Variants in HS3ST3B1 observed in about 807,000 individuals in gnomAD.
HS3ST3B1 encodes the protein heparan sulfate-glucosamine 3-sulfotransferase 3B1.
A neutral mutation model predicts 21.3 loss-of-function variants in HS3ST3B1; 13 were observed. The ratio of observed to expected loss-of-function variants is 0.61; its 90% CI spans 0.40 to 0.97. The LOEUF is 0.97. Among genes scored for constraint, HS3ST3B1 ranks in the 50% least tolerant of loss-of-function variants. The pLI is 0.00. For missense variants in HS3ST3B1, 459 were observed against 554.8 expected (o/e 0.83, Z 1.73); for synonymous variants, 234 against 254.8 (o/e 0.92, Z 0.78).
chr17:14,324,456 GC>G (rs1195547817), intron 1 of HS3ST3B1, among the ~76,000 whole-genome samples: 3 of 151,974 alleles, frequency 2.0e-5, no homozygotes, highest in African/African-American at 4.8e-5. Flanking sequence ...TTGCCATGTG[GC>G]CCAGGCTGGT....
intron 1 of HS3ST3B1, chr17:14,305,439 C>A (rs1909102465): frequency 6.6e-6 from 1 of 152,130 alleles, no homozygotes; most frequent in African/African-American, 2.4e-5. Flanking sequence ...AAGAACCTGC[C>A]CTTTACATTT....
Position 14,301,354 on chromosome 17 carries a change from A to G in HS3ST3B1, c.-165A>G. On this transcript the variant is annotated 5_prime_UTR_variant, in exon 1 of 2. Transcript: ENST00000360954. Reference sequence around the variant, plus strand: ...CGCCGCCGCTACAGCTGCCGCCGCCACCTGGGGAAGAGCAGCAGCAGCAGC... The same window carrying G: ...CGCCGCCGCTACAGCTGCCGCCGCCGCCTGGGGAAGAGCAGCAGCAGCAGC... 3 of 543,488 alleles carry G rather than the reference A, an allele frequency of 5.5e-6. No homozygotes were observed. Among genetic ancestry groups the G allele is most frequent in the Non-Finnish European group, 8.9e-6 (3 of 338,010 alleles). 33.7% of individuals were successfully genotyped at this position (543,488 alleles called of 1,614,324 possible).
intron 1 of HS3ST3B1, among the ~76,000 whole-genome samples, chr17:14,334,041 G>T (rs1035107885): frequency 3.9e-5 from 6 of 152,200 alleles, no homozygotes; most frequent in Admixed American, 1.3e-4. Flanking sequence ...GATTACAGGC[G>T]TGAGCCACCG....
intron 1 of HS3ST3B1, among the ~76,000 whole-genome samples, chr17:14,339,698 G>C (rs912049904): frequency 9.2e-5 from 14 of 152,206 alleles, no homozygotes; most frequent in African/African-American, 3.4e-4. Context: ...ATAATTATGA[G>C]CTCTGACTAT....
At chr17:14,306,805 C>G (rs1385971939) in intron 1 of HS3ST3B1, among the ~76,000 whole-genome samples, 1 of 149,334 alleles carries the variant, frequency 6.7e-6, no homozygotes, top group East Asian at 2.0e-4. Flanking sequence ...GTATGTAACT[C>G]ACTTCCAAGA....
At chr17:14,331,763 T>C (rs1910021112) in intron 1 of HS3ST3B1, among the ~76,000 whole-genome samples, 1 of 152,096 alleles carries the variant, frequency 6.6e-6, no homozygotes, top group Non-Finnish European at 1.5e-5. Context: ...TTCTAAACCC[T>C]CCCAAAGGAG....
chr17:14,320,986 G>T (rs944978944), intron 1 of HS3ST3B1, among the ~76,000 whole-genome samples: 1 of 152,180 alleles, frequency 6.6e-6, no homozygotes, highest in Non-Finnish European at 1.5e-5. Flanking sequence ...TTGCAGGGAC[G>T]GTGGGATGTG....
rs71147856 is a variant in HS3ST3B1 at position 14,313,077 on chromosome 17, T to TTGTGTG, written c.554+11016_554+11021dup. On this transcript the variant is annotated intron_variant, in intron 1 of 1. Transcript: ENST00000360954. ...CCACCACACCACACCCAGCTAATTA[T>TTGTGTG]TGTGTGTGTGTGTGTGGTGTGTGTG... is the stretch of plus-strand genomic sequence containing the variant. Among the ~76,000 whole-genome samples the TTGTGTG allele has an allele frequency of 9.2e-4, 131 of 142,208 alleles. 1 individual carries two copies. Among genetic ancestry groups the TTGTGTG allele is most frequent in the Middle Eastern group, 3.5e-3 (1 of 288 alleles). The allele number at this position is 142,208 out of a possible 152,430, so 93.3% of individuals were successfully genotyped here. A position where few individuals can be genotyped will look rare whatever the true frequency, so the allele number is the denominator to read the frequency against.
chr17:14,311,774 G>A (rs906369208), intron 1 of HS3ST3B1, among the ~76,000 whole-genome samples: 1 of 152,132 alleles, frequency 6.6e-6, no homozygotes, highest in African/African-American at 2.4e-5. Context: ...GTTTTAGTTG[G>A]TGGCTTGTAT....
chr17:14,326,442 C>T (rs1909819581), intron 1 of HS3ST3B1, among the ~76,000 whole-genome samples: 1 of 152,130 alleles, frequency 6.6e-6, no homozygotes, highest in African/African-American at 2.4e-5. Context: ...AGGGTATTCC[C>T]AGCCTGTTTT....
At chr17:14,318,278 GTC>G in intron 1 of HS3ST3B1, among the ~76,000 whole-genome samples, 1 of 152,296 alleles carries the variant, frequency 6.6e-6, no homozygotes, top group Middle Eastern at 3.4e-3. Context: ...CCCTTCACCA[GTC>G]CTGCTGAGAG....
intron 1 of HS3ST3B1, among the ~76,000 whole-genome samples, chr17:14,326,961 A>T (rs142928809): frequency 1.5e-4 from 23 of 150,966 alleles, no homozygotes; most frequent in African/African-American, 5.1e-4. Flanking sequence ...AAGAAGAAGA[A>T]GCTTCAGTTG....
At chr17:14,328,093 C>G (rs545969775) in intron 1 of HS3ST3B1, 1 of 152,286 alleles carries the variant, frequency 6.6e-6, no homozygotes, top group African/African-American at 2.4e-5. Context: ...AACGGGAATG[C>G]TTTGTCTAAA....
intron 1 of HS3ST3B1, among the ~76,000 whole-genome samples, chr17:14,311,858 A>G (rs1262046951): frequency 6.6e-6 from 1 of 152,086 alleles, no homozygotes; most frequent in Non-Finnish European, 1.5e-5. Context: ...TCCTTGAAGC[A>G]CCACTTAAAA....
intron 1 of HS3ST3B1, among the ~76,000 whole-genome samples, chr17:14,332,246 T>C (rs1470705961): frequency 1.3e-5 from 2 of 152,286 alleles, no homozygotes; most frequent in East Asian, 3.9e-4. Flanking sequence ...ACATTGGCTT[T>C]CGGAGAAGAC....
At chr17:14,302,909 G>C (rs75280274) in intron 1 of HS3ST3B1, among the ~76,000 whole-genome samples, 2,332 of 152,282 alleles carry the variant, frequency 0.015, 60 homozygotes, top group African/African-American at 0.053. Flanking sequence ...AAGAATATTC[G>C]GGGCCCATTG....
intron 1 of HS3ST3B1, chr17:14,304,270 C>G (rs1254651335): frequency 6.6e-6 from 1 of 152,236 alleles, no homozygotes; most frequent in Non-Finnish European, 1.5e-5. Flanking sequence ...CCAGGGGGCA[C>G]AGGGCCCGGG....
Position 14,301,909 on chromosome 17 carries a change from G to A in HS3ST3B1, c.391G>A (p.Gly131Arg), listed in dbSNP as rs1188180259. ...SPSPISSFFS[G>R]SGSKQLPQAI... ...AAGCCCCATCTCCAGCTTTTTCAGTGGGTCTGGGAGCAAGCAGCTGCCGCA... is the reference window on the plus strand; with the variant it reads ...AAGCCCCATCTCCAGCTTTTTCAGTAGGTCTGGGAGCAAGCAGCTGCCGCA... The change falls in exon 1 of 2, where the codon GGG becomes AGG. Residue 131 changes from glycine to arginine, a missense_variant. This residue lies in a region of HS3ST3B1 where 317 missense variants were observed against 278.6 expected (regional missense o/e 1.14). Transcript: ENST00000360954. The A allele has an allele frequency of 6.2e-7, 1 of 1,609,628 alleles. No individual in the cohort carries two copies. Among genetic ancestry groups the A allele is most frequent in the Non-Finnish European group, 8.5e-7 (1 of 1,178,668 alleles).
chr17:14,337,615 G>T (rs937664333), intron 1 of HS3ST3B1, among the ~76,000 whole-genome samples: 1 of 151,876 alleles, frequency 6.6e-6, no homozygotes, highest in Admixed American at 6.6e-5. Context: ...GGGATTACAG[G>T]TGTGAGCCAT....
Sources: allele counts gnomAD v4.1 joint callset (sites outside exome capture counted in the v4.1 genomes callset), GRCh38; gene constraint gnomAD v4.1.1; regional missense constraint gnomAD v4.1.1; transcripts MANE v1.5; gene names NCBI Gene and HGNC (gene_info 2026-07-23, HGNC 2026-07-21).